The following CCDC148 variants were observed in gnomAD, a reference collection of about 807,000 sequenced individuals.
The protein encoded by CCDC148 is coiled-coil domain containing 148.
CCDC148 carries 89 observed loss-of-function variants against 85.7 expected under a neutral mutation model. The ratio of observed to expected loss-of-function variants is 1.04; its 90% CI spans 0.87 to 1.24. CCDC148 has a LOEUF of 1.24. Among genes scored for constraint, CCDC148 ranks in the 50% most tolerant of loss-of-function variants. CCDC148 has a pLI of 0.00. For synonymous variants in CCDC148, 230 were observed against 213.9 expected (o/e 1.08, Z -0.66); for missense variants, 692 against 671.7 (o/e 1.03, Z -0.33).
intron 1 of CCDC148, among the ~76,000 whole-genome samples, chr2:158,392,683 A>G (rs1685364635): frequency 6.6e-6 from 1 of 152,140 alleles, no homozygotes; most frequent in Admixed American, 6.6e-5. Context: ...TATTTGTATT[A>G]CTATATTACT....
At chr2:158,330,592 C>A (rs951208090) in intron 7 of CCDC148, among the ~76,000 whole-genome samples, 3 of 152,188 alleles carry the variant, frequency 2.0e-5, no homozygotes, top group Non-Finnish European at 4.4e-5. Context: ...GGTACCAGCT[C>A]CTCCTTATAC....
intron 9 of CCDC148, among the ~76,000 whole-genome samples, chr2:158,271,626 T>C (rs1574515328): frequency 1.3e-5 from 2 of 152,154 alleles, no homozygotes; most frequent in Non-Finnish European, 2.9e-5. Context: ...TATTGCAATA[T>C]GTTGCTATAA....
At chr2:158,182,602 C>T (rs1684957495) in intron 11 of CCDC148, among the ~76,000 whole-genome samples, 2 of 152,050 alleles carry the variant, frequency 1.3e-5, no homozygotes, top group Admixed American at 1.3e-4. Flanking sequence ...GGAGGGTGCA[C>T]AGAGCCGACC....
chr2:158,283,669 C>T (rs1197895032), intron 9 of CCDC148, among the ~76,000 whole-genome samples: 1 of 151,930 alleles, frequency 6.6e-6, no homozygotes, highest in Non-Finnish European at 1.5e-5. Flanking sequence ...CACTTTTACA[C>T]TGTTGGTGGG....
At chr2:158,180,702 G>T (rs1684855465) in intron 11 of CCDC148, among the ~76,000 whole-genome samples, 1 of 152,080 alleles carries the variant, frequency 6.6e-6, no homozygotes, top group African/African-American at 2.4e-5. Context: ...CAGCCACAGG[G>T]TTCCCTTAGG....
rs1053692106 is a variant in CCDC148, at chr2:158,198,184, A to T, written c.1371-19188T>A. 2.0e-5 allele frequency among the ~76,000 whole-genome samples: 3 copies of T among 152,092 alleles called. No individual in the cohort carries two copies. The East Asian group carries it at 5.8e-4, about 29-fold the overall frequency. ...CTTCTACTAAGAAAACACCTGACTCATCCCTGGCACCCCCTACCTGGTTTA... is the reference window on the plus strand; with the variant it reads ...CTTCTACTAAGAAAACACCTGACTCTTCCCTGGCACCCCCTACCTGGTTTA... On this transcript the variant is annotated intron_variant, in intron 11 of 13. Transcript: ENST00000283233.
At chr2:158,229,783 C>T (rs1308728930) in intron 10 of CCDC148, among the ~76,000 whole-genome samples, 1 of 152,178 alleles carries the variant, frequency 6.6e-6, no homozygotes, top group Non-Finnish European at 1.5e-5. Flanking sequence ...GCTTCTTGCT[C>T]TTTGCTGCTT....
chr2:158,337,617 G>A (rs1377891369), intron 7 of CCDC148, among the ~76,000 whole-genome samples: 2 of 152,128 alleles, frequency 1.3e-5, no homozygotes, highest in Non-Finnish European at 2.9e-5. Flanking sequence ...AAAGGAGAGA[G>A]ATGGGGAAGG....
intron 10 of CCDC148, among the ~76,000 whole-genome samples, chr2:158,245,247 T>G (rs1180550425): frequency 6.6e-6 from 1 of 152,170 alleles, no homozygotes; most frequent in East Asian, 1.9e-4. Context: ...AACATGTAAT[T>G]TGGGTATTAT....
chr2:158,398,953 G>T (rs1020016035), intron 1 of CCDC148, among the ~76,000 whole-genome samples: 2 of 152,016 alleles, frequency 1.3e-5, no homozygotes, highest in African/African-American at 2.4e-5. Context: ...TATCACCACC[G>T]ATCCCACAGA....
intron 1 of CCDC148, among the ~76,000 whole-genome samples, chr2:158,403,066 A>G (rs1052794869): frequency 4.6e-5 from 7 of 152,140 alleles, no homozygotes; most frequent in African/African-American, 7.2e-5. Context: ...GGCAAGGGAA[A>G]AGCTGAGAAA....
intron 1 of CCDC148, among the ~76,000 whole-genome samples, chr2:158,377,975 C>T (rs1285277815): frequency 6.6e-6 from 1 of 152,036 alleles, no homozygotes; most frequent in Admixed American, 6.6e-5. Context: ...AATAACCCTA[C>T]AATGTCCTGT....
At chr2:158,387,226 C>T (rs1000373391) in intron 1 of CCDC148, among the ~76,000 whole-genome samples, 14 of 151,940 alleles carry the variant, frequency 9.2e-5, no homozygotes, top group Non-Finnish European at 1.6e-4. Flanking sequence ...ACTGAGATGT[C>T]ACTACTTCTA....
At chr2:158,353,669 G>A (rs1683454007) in intron 2 of CCDC148, among the ~76,000 whole-genome samples, 1 of 152,064 alleles carries the variant, frequency 6.6e-6, no homozygotes, top group African/African-American at 2.4e-5. Context: ...ACAGATCAAG[G>A]AGACAGAAAG....
intron 11 of CCDC148, among the ~76,000 whole-genome samples, chr2:158,218,604 C>T (rs1057092847): frequency 5.9e-5 from 9 of 152,180 alleles, no homozygotes; most frequent in African/African-American, 2.2e-4. Flanking sequence ...GCTGGAACTA[C>T]ATATCTGTTC....
chr2:158,317,781 G>A (rs181657036), intron 7 of CCDC148, among the ~76,000 whole-genome samples: 2 of 152,306 alleles, frequency 1.3e-5, no homozygotes, highest in African/African-American at 4.8e-5. Context: ...AAACATTGTG[G>A]TTACAAACTG....
At position 158,389,096 on chromosome 2, in the gene CCDC148, T is replaced by C. The variant is rs541430403; in HGVS notation, c.26-30526A>G. Among the ~76,000 whole-genome samples, 72 of 152,216 alleles carry C rather than the reference T, an allele frequency of 4.7e-4. 1 individual carries two copies. Among genetic ancestry groups the C allele is most frequent in the Admixed American group, 3.2e-3 (49 of 15,286 alleles). ...AAAATAGGCATCAATATTGTATGGA[T>C]GGATTTAAACTACACATACTCTTCC... On this transcript the variant is annotated intron_variant, in intron 1 of 13. Coordinates refer to ENST00000283233, the MANE Select transcript of CCDC148 (RefSeq NM_138803.4).
intron 1 of CCDC148, among the ~76,000 whole-genome samples, chr2:158,367,874 T>C (rs1428980154): frequency 6.6e-6 from 1 of 152,154 alleles, no homozygotes; most frequent in Non-Finnish European, 1.5e-5. Flanking sequence ...ATTGTAATGT[T>C]TCTTATGTGA....
At chr2:158,393,411 AG>A (rs1401686162) in intron 1 of CCDC148, 1 of 152,176 alleles carries the variant, frequency 6.6e-6, no homozygotes, top group Non-Finnish European at 1.5e-5. Flanking sequence ...AGGTGGAGAA[AG>A]ATAGGACAGG....
Sources: allele counts gnomAD v4.1 joint callset (sites outside exome capture counted in the v4.1 genomes callset), GRCh38; gene constraint gnomAD v4.1.1; transcripts MANE v1.5; gene names NCBI Gene and HGNC (gene_info 2026-07-23, HGNC 2026-07-21).